SIGLEC10: variants seen among roughly 807,000 people sequenced by gnomAD.
SIGLEC10 encodes the protein sialic acid binding Ig like lectin 10.
A neutral mutation model predicts 68.3 loss-of-function variants in SIGLEC10; 45 were observed. That is an observed-to-expected ratio of 0.66 (90% CI 0.52 to 0.84). The LOEUF (loss-of-function observed/expected upper bound fraction) is 0.84, where lower values mean the gene tolerates loss of function less well. Ranked by LOEUF, SIGLEC10 falls within the 40% of genes least tolerant of loss-of-function variation. SIGLEC10 has a pLI of 0.00. For synonymous variants in SIGLEC10, 379 were observed against 370.8 expected (o/e 1.02, Z -0.26); for missense variants, 789 against 883.1 (o/e 0.89, Z 1.35).
At position 51,414,732 on chromosome 19, in the gene SIGLEC10, C is replaced by T; in HGVS notation, c.1615+92G>A. On this transcript the variant is annotated intron_variant, in intron 8 of 10. Transcript: ENST00000339313. This position sits in a 1 kb window ranked among gnomAD's most constrained non-coding sequence, Gnocchi z 4.1. ...TACAGATGCCACGGGTCTGCTGTGT[C>T]CCTCCAAGCTCCTGCTCCAACCACA... 1 of 1,572,594 alleles carries T rather than the reference C, an allele frequency of 6.4e-7. No individual in the cohort carries two copies.
In SIGLEC10 at chr19:51,410,655, G is replaced by C. The variant is rs1432454196; in HGVS notation, c.*444C>G. 1 of 157,850 alleles carries C rather than the reference G, an allele frequency of 6.3e-6. No homozygotes were observed. Among genetic ancestry groups the C allele is most frequent in the Non-Finnish European group, 1.4e-5 (1 of 71,512 alleles). 9.8% of individuals were successfully genotyped at this position (157,850 alleles called of 1,614,324 possible). ...TTACAGACACCCAACCCATTTGGAG[G>C]ATTTTTTTTTTGAGATGGAGTCTCG... On this transcript the variant is annotated 3_prime_UTR_variant, in exon 11 of 11. Coordinates refer to ENST00000339313, the MANE Select transcript of SIGLEC10 (RefSeq NM_033130.5).
Position 51,415,300 on chromosome 19 carries a change from G to C in SIGLEC10, c.1211C>G (p.Pro404Arg), listed in dbSNP as rs1349442927. Residue 404 changes from proline to arginine, a missense_variant, in exon 7 of 11, where the codon CCC (proline) becomes CGC (arginine). By Grantham distance (103) the Pro-to-Arg change is moderately radical. Coordinates refer to ENST00000339313, the MANE Select transcript of SIGLEC10 (RefSeq NM_033130.5). ...QRGQVLSPSQPSDPGVLELPR... is the reference protein window; with the variant it reads ...QRGQVLSPSQRSDPGVLELPR... Reference sequence around the variant, plus strand: ...CAGCTCCAGGACCCCGGGGTCTGAGGGCTGGGAGGGGCTCAGAACCTGTCC... The same window carrying C: ...CAGCTCCAGGACCCCGGGGTCTGAGCGCTGGGAGGGGCTCAGAACCTGTCC... 1 of 1,614,052 alleles carries C rather than the reference G, an allele frequency of 6.2e-7. No homozygotes were observed. Among genetic ancestry groups the C allele is most frequent in the Admixed American group, 1.7e-5 (1 of 60,014 alleles).
rs529180041 is a variant in SIGLEC10 at position 51,410,887 on chromosome 19, G to C, written c.*212C>G. The C allele has an allele frequency of 1.8e-5, 9 of 512,014 alleles. No homozygotes were observed. The South Asian group carries it at 3.1e-4, about 17-fold the overall frequency. The allele number at this position is 512,014 out of a possible 1,614,324, so 31.7% of individuals were successfully genotyped here. A position where few individuals can be genotyped will look rare whatever the true frequency, so the allele number is the denominator to read the frequency against. ...TGGTCTCGAACTCCCGACCTCAGGC[G>C]ATCTGCCCACCTCAACCTCCCAAAG... On this transcript the variant is annotated 3_prime_UTR_variant, in exon 11 of 11. Coordinates refer to ENST00000339313, the MANE Select transcript of SIGLEC10 (RefSeq NM_033130.5).
rs777431524 is a variant in SIGLEC10 at position 51,417,214 on chromosome 19, C to T, written c.289G>A (p.Ala97Thr). 9.3e-6 allele frequency: 15 copies of T among 1,614,116 alleles called. No individual in the cohort carries two copies. The highest frequency in any genetic ancestry group is 5.0e-5 in the Admixed American group (3 of 60,008). The part of the protein sequence containing the change: ...RGRFQLTGDP[A>T]KGNCSLVIRD... ...ATCACCAAGGAGCAGTTCCCCTTGG[C>T]GGGATCCCCAGTGAGCTGGAATCGG... The change falls in exon 2 of 11, where the codon GCC (alanine) becomes ACC (threonine). Residue 97 changes from alanine to threonine, a missense_variant. Physicochemically the swap from Ala to Thr is moderately conservative, Grantham distance 58 (BLOSUM62 0). Transcript: ENST00000339313.
At position 51,413,636 on chromosome 19, in the gene SIGLEC10, A is replaced by G; in HGVS notation, c.1821+76T>C. On this transcript the variant is annotated intron_variant, in intron 10 of 10. Transcript: ENST00000339313. ...TTTCCCACCTTGATGTCGCTAAGACAAGGGGTGCAAAAGTCAGAAAGTGGG... is the reference window on the plus strand; with the variant it reads ...TTTCCCACCTTGATGTCGCTAAGACGAGGGGTGCAAAAGTCAGAAAGTGGG... 3.1e-6 allele frequency: 4 copies of G among 1,288,264 alleles called. No homozygotes were observed. In the East Asian group the frequency reaches 7.0e-5, roughly 22 times the overall value. The allele number at this position is 1,288,264 out of a possible 1,614,324, so 79.8% of individuals were successfully genotyped here.
rs143301416 is a variant in SIGLEC10 at position 51,414,931 on chromosome 19, G to C, written c.1508C>G (p.Ala503Gly). 13 of 1,613,944 alleles carry C rather than the reference G, an allele frequency of 8.1e-6. No homozygotes were observed. The South Asian group carries it at 1.1e-4, about 14-fold the overall frequency. Residue 503 changes from alanine (A) to glycine (G), a missense_variant, in exon 8 of 11, where the codon GCC becomes GGC. Physicochemically the swap from Ala to Gly is moderately conservative, Grantham distance 60 (BLOSUM62 0). Transcript: ENST00000339313. The surrounding 1 kb of genome is among the most constrained non-coding windows in gnomAD (Gnocchi z 4.1). The stretch of plus-strand genomic sequence containing the variant: ...TCCATGGAGGCTCAGGGAGCTGTTG[G>C]CCCAGGGCCCGGCTGAGCTGGGGGT... ...EVTPSSAGPW[A>G]NSSLSLHGGL...
intron 10 of SIGLEC10, among the ~76,000 whole-genome samples, chr19:51,412,509 CG>C (rs1237415534): frequency 6.6e-6 from 1 of 150,970 alleles, no homozygotes; most frequent in Non-Finnish European, 1.5e-5. Context: ...GATGAAGTTT[CG>C]CTCTTGTTGC....
intron 10 of SIGLEC10, among the ~76,000 whole-genome samples, chr19:51,411,856 T>C (rs1988040191): frequency 6.8e-6 from 1 of 147,666 alleles, no homozygotes; most frequent in South Asian, 2.2e-4. Flanking sequence ...AAAAAAATAA[T>C]TGATAGCCGG....
Position 51,417,071 on chromosome 19 carries a change from C to A in SIGLEC10, c.421+11G>T. 6.2e-7 allele frequency: 1 copy of A among 1,612,390 alleles called. No homozygotes were observed. Among genetic ancestry groups the A allele is most frequent in the Non-Finnish European group, 8.5e-7 (1 of 1,178,792 alleles). On this transcript the variant is annotated intron_variant, in intron 2 of 10. Transcript: ENST00000339313. ...AGTGTGAGAGGCAGGGGTTCCCACC[C>A]CATTCCATACCTGTTACTTTTAGAA...
chr19:51,416,849 G>C lies in SIGLEC10; in HGVS notation c.523C>G (p.Pro175Ala), dbSNP rs137873210. 8,259 of 1,614,198 alleles carry C rather than the reference G, an allele frequency of 5.1e-3. 40 individuals carry two copies. Among genetic ancestry groups the C allele is most frequent in the Non-Finnish European group, 5.6e-3 (6,667 of 1,180,028 alleles). The change falls in exon 3 of 11, where the codon CCC becomes GCC. Residue 175 changes from proline to alanine, a missense_variant. By Grantham distance (27) the Pro-to-Ala change is conservative. Transcript: ENST00000339313. The part of the protein sequence containing the change: ...VFNWAFEECP[P>A]PSFSWTGAAL... Reference sequence around the variant, plus strand: ...GCCCCCGTCCAGGAGAAAGAAGGGGGTGGACATTCCTCAAAGGCCCAGTTA... The same window carrying C: ...GCCCCCGTCCAGGAGAAAGAAGGGGCTGGACATTCCTCAAAGGCCCAGTTA...
rs747638044 is a variant in SIGLEC10, at chr19:51,417,106, C to T, written c.397G>A (p.Asp133Asn). 5.0e-6 allele frequency: 8 copies of T among 1,614,034 alleles called. No individual in the cohort carries two copies. The highest frequency in any genetic ancestry group is 2.2e-5 in the East Asian group (1 of 44,896). The change falls in exon 2 of 11, where the codon GAT becomes AAT. Residue 133 changes from aspartate to asparagine, a missense_variant. Transcript: ENST00000339313. ...CCTGTTACTTTTAGAAAGAACCCAT[C>T]GTTCATGAAATTATATCTCACATAG... ...GSYVRYNFMNDGFFLKVTALT... is the reference protein window; with the variant it reads ...GSYVRYNFMNNGFFLKVTALT...
chr19:51,414,639 A>G lies in SIGLEC10; in HGVS notation c.1616-124T>C. On this transcript the variant is annotated intron_variant, in intron 8 of 10. Transcript: ENST00000339313. The surrounding 1 kb of genome is among the most constrained non-coding windows in gnomAD (Gnocchi z 4.1). The stretch of plus-strand genomic sequence containing the variant: ...CATTGTATCTGCAACCCCTCTGTTT[A>G]CTTTTAGGAAACCCTGCCACACCCC... 7.4e-7 allele frequency: 1 copy of G among 1,349,616 alleles called. No homozygotes were observed. The allele number at this position is 1,349,616 out of a possible 1,614,324, so 83.6% of individuals were successfully genotyped here.
At chr19:51,412,768 G>C (rs765834954) in intron 10 of SIGLEC10, among the ~76,000 whole-genome samples, 1 of 150,530 alleles carries the variant, frequency 6.6e-6, no homozygotes, top group African/African-American at 2.5e-5. Flanking sequence ...GAGCCAGCAG[G>C]CGTGGCCTTT....
Position 51,416,810 on chromosome 19 carries a change from G to T in SIGLEC10, c.562C>A (p.Gln188Lys). ...FSWTGAALSS[Q>K]GTKPTTSHFS... ...TGGGAGGTCGTTGGTTTGGTTCCTT[G>T]GGAGGAGAGGGCAGCCCCCGTCCAG... The change falls in exon 3 of 11, where the codon CAA becomes AAA. Residue 188 changes from glutamine to lysine, a missense_variant. By Grantham distance (53) the Gln-to-Lys change is moderately conservative. Transcript: ENST00000339313. 1.1e-5 allele frequency: 17 copies of T among 1,613,840 alleles called. No individual in the cohort carries two copies. The highest frequency in any genetic ancestry group is 1.4e-5 in the Non-Finnish European group (16 of 1,180,008).
In SIGLEC10 at chr19:51,414,942, G is replaced by T; in HGVS notation, c.1497C>A (p.Ala499=). ...QDSFEVTPSS[A]GPWANSSLSL... is the part of the protein sequence containing the mutation. The stretch of plus-strand genomic sequence containing the variant: ...TCAGGGAGCTGTTGGCCCAGGGCCC[G>T]GCTGAGCTGGGGGTGACCTCGAAGG... Residue 499 remains alanine (A), a synonymous_variant, in exon 8 of 11, where the codon GCC becomes GCA. Transcript: ENST00000339313. This position sits in a 1 kb window ranked among gnomAD's most constrained non-coding sequence, Gnocchi z 4.1. 2 of 1,614,018 alleles carry T rather than the reference G, an allele frequency of 1.2e-6. No homozygotes were observed. Among genetic ancestry groups the T allele is most frequent in the African/African-American group, 2.7e-5 (2 of 75,046 alleles).
At chr19:51,416,583 G>A (rs757119053) in intron 3 of SIGLEC10, 83 bp downstream of exon 3, 1 of 1,595,142 alleles carries the variant, frequency 6.3e-7, no homozygotes, top group Non-Finnish European at 8.5e-7. Context: ...TGAGCTGGGA[G>A]CCGCTCACTG....
In SIGLEC10 at chr19:51,416,796, T is replaced by C; in HGVS notation, c.576A>G (p.Pro192=). The change falls in exon 3 of 11, where the codon CCA becomes CCG. Residue 192 remains proline, a synonymous_variant. Coordinates refer to ENST00000339313, the MANE Select transcript of SIGLEC10 (RefSeq NM_033130.5). The part of the protein sequence containing the change: ...GAALSSQGTK[P]TTSHFSVLSF... The stretch of plus-strand genomic sequence containing the variant: ...TGAGCACTGAGAAGTGGGAGGTCGT[T>C]GGTTTGGTTCCTTGGGAGGAGAGGG... 6.2e-7 allele frequency: 1 copy of C among 1,614,156 alleles called. No individual in the cohort carries two copies. The highest frequency in any genetic ancestry group is 8.5e-7 in the Non-Finnish European group (1 of 1,180,022).
rs1988401978 is a variant in SIGLEC10, at chr19:51,414,722, T to G, written c.1615+102A>C. 4.5e-6 allele frequency: 7 copies of G among 1,548,340 alleles called. No homozygotes were observed. The highest frequency in any genetic ancestry group is 6.2e-6 in the Non-Finnish European group (7 of 1,132,418). ...CCTGTCTACATACAGATGCCACGGGTCTGCTGTGTCCCTCCAAGCTCCTGC... is the reference window on the plus strand; with the variant it reads ...CCTGTCTACATACAGATGCCACGGGGCTGCTGTGTCCCTCCAAGCTCCTGC... On this transcript the variant is annotated intron_variant, in intron 8 of 10. Transcript: ENST00000339313. The surrounding 1 kb of genome is among the most constrained non-coding windows in gnomAD (Gnocchi z 4.1).
chr19:51,414,730 G>T lies in SIGLEC10; in HGVS notation c.1615+94C>A. 2 of 1,567,758 alleles carry T rather than the reference G, an allele frequency of 1.3e-6. No homozygotes were observed. Among genetic ancestry groups the T allele is most frequent in the Non-Finnish European group, 1.7e-6 (2 of 1,149,610 alleles). ...CATACAGATGCCACGGGTCTGCTGT[G>T]TCCCTCCAAGCTCCTGCTCCAACCA... On this transcript the variant is annotated intron_variant, in intron 8 of 10. Transcript: ENST00000339313. The surrounding 1 kb of genome is among the most constrained non-coding windows in gnomAD (Gnocchi z 4.1).
Sources: gnomAD v4.1 joint callset for allele counts (sites outside exome capture counted in the v4.1 genomes callset) on GRCh38, gnomAD v4.1.1 for gene constraint, Gnocchi (gnomAD v3.1) non-coding constraint, MANE v1.5 for transcripts, NCBI Gene and HGNC (gene_info 2026-07-23, HGNC 2026-07-21) for gene names.